TRIM44: variants seen among roughly 807,000 people sequenced by gnomAD.
TRIM44 encodes tripartite motif-containing protein 44.
A neutral mutation model predicts 37.4 loss-of-function variants in TRIM44; 13 were observed. The ratio of observed to expected loss-of-function variants is 0.35; its 90% CI spans 0.23 to 0.55. The LOEUF is 0.55. Ranked by LOEUF, TRIM44 falls within the 20% of genes least tolerant of loss-of-function variation. TRIM44 has a pLI of 0.89. For synonymous variants in TRIM44, 175 were observed against 157.2 expected, an observed-to-expected ratio of 1.11 and a Z score of -0.85; for missense variants, 426 against 437.2, an observed-to-expected ratio of 0.97 and a Z score of 0.23.
intron 2 of TRIM44, among the ~76,000 whole-genome samples, chr11:35,723,365 T>C (rs1852132430): frequency 6.6e-6 from 1 of 152,252 alleles, no homozygotes; most frequent in Non-Finnish European, 1.5e-5. Flanking sequence ...TACAATGCTA[T>C]GTTTAATCAT....
At chr11:35,675,675 C>T (rs1018047101) in intron 1 of TRIM44, among the ~76,000 whole-genome samples, 1 of 152,114 alleles carries the variant, frequency 6.6e-6, no homozygotes. Flanking sequence ...GCGCCTGCCA[C>T]CCTGCCAAGC....
intron 2 of TRIM44, among the ~76,000 whole-genome samples, chr11:35,686,985 T>G (rs1851589369): frequency 6.6e-6 from 1 of 152,190 alleles, no homozygotes; most frequent in South Asian, 2.1e-4. Context: ...TTTAATTATT[T>G]AACAACACTG....
At chr11:35,713,178 C>T (rs150565004) in intron 2 of TRIM44, among the ~76,000 whole-genome samples, 13 of 152,286 alleles carry the variant, frequency 8.5e-5, no homozygotes, top group African/African-American at 3.1e-4. Context: ...TTTCATTCAA[C>T]CCAGTGATTC....
chr11:35,749,042 TAG>T (rs144381088), intron 4 of TRIM44, among the ~76,000 whole-genome samples: 26 of 149,702 alleles, frequency 1.7e-4, no homozygotes, highest in Non-Finnish European at 2.2e-4. Context: ...ATGTGTATGT[TAG>T]AGAGAGAGAG....
At chr11:35,677,956 G>A (rs1003805780) in intron 1 of TRIM44, among the ~76,000 whole-genome samples, 36 of 152,310 alleles carry the variant, frequency 2.4e-4, no homozygotes, top group African/African-American at 8.7e-4. Context: ...GGTGTAGTTA[G>A]AGCCAGTGAT....
chr11:35,776,487 T>C (rs2036402437), intron 4 of TRIM44, among the ~76,000 whole-genome samples: 1 of 152,236 alleles, frequency 6.6e-6, no homozygotes, highest in African/African-American at 2.4e-5. Context: ...TAGTTATTTC[T>C]TGCCTTCTGC....
intron 2 of TRIM44, among the ~76,000 whole-genome samples, chr11:35,697,188 A>G (rs1053161047): frequency 1.4e-5 from 2 of 145,792 alleles, no homozygotes; most frequent in Non-Finnish European, 3.0e-5. Flanking sequence ...AGCATTAGGT[A>G]TATCTCCTAA....
In TRIM44 at chr11:35,726,052, G is replaced by T. The variant is rs1180144760; in HGVS notation, c.876G>T (p.Val292=). 2 of 1,613,996 alleles carry T rather than the reference G, an allele frequency of 1.2e-6. No homozygotes were observed. The highest frequency in any genetic ancestry group is 2.7e-5 in the African/African-American group (2 of 74,924). Residue 292 remains valine (V), a synonymous_variant, in exon 3 of 5, where the codon GTG becomes GTT. Coordinates refer to ENST00000299413, the MANE Select transcript of TRIM44 (RefSeq NM_017583.6). The part of the protein sequence containing the change: ...DIQEAMATAH[V]TEILADIQSH... ...AAGAGGCAATGGCCACAGCTCATGT[G>T]ACTGAGATACTGGCAGACATCCAAT...
chr11:35,696,961 A>T (rs115893291), intron 2 of TRIM44, among the ~76,000 whole-genome samples: 1,946 of 152,308 alleles, frequency 0.013, 46 homozygotes, highest in African/African-American at 0.044. Flanking sequence ...GCCAAATTTC[A>T]CTGTTGTACT....
rs995123526 is a variant in TRIM44 at position 35,810,558 on chromosome 11, C to G, written c.*4173C>G. ...GCAGTTCTTGATTCTGGAGGCCTGC[C>G]TGGTAAGATAAGATAGTATAATTTG... is the stretch of plus-strand genomic sequence containing the variant. On this transcript the variant is annotated 3_prime_UTR_variant, in exon 5 of 5. Coordinates refer to ENST00000299413, the MANE Select transcript of TRIM44 (RefSeq NM_017583.6). 2 of 152,050 alleles carry G rather than the reference C, an allele frequency of 1.3e-5. No homozygotes were observed. Among genetic ancestry groups the G allele is most frequent in the African/African-American group, 2.4e-5 (1 of 41,390 alleles). 9.4% of individuals were successfully genotyped at this position (152,050 alleles called of 1,614,324 possible). A position where few individuals can be genotyped will look rare whatever the true frequency, so the allele number is the denominator to read the frequency against.
At chr11:35,746,969 TG>T (rs1176460995) in intron 4 of TRIM44, among the ~76,000 whole-genome samples, 1 of 152,240 alleles carries the variant, frequency 6.6e-6, no homozygotes, top group Non-Finnish European at 1.5e-5. Flanking sequence ...TCTTACCCTC[TG>T]GTTTCATCAT....
chr11:35,776,139 A>G (rs538108321), intron 4 of TRIM44, among the ~76,000 whole-genome samples: 3 of 152,278 alleles, frequency 2.0e-5, no homozygotes, highest in Non-Finnish European at 4.4e-5. Context: ...TATTGCCTCA[A>G]TTTCAGAGCC....
intron 4 of TRIM44, among the ~76,000 whole-genome samples, chr11:35,758,017 G>A (rs542949837): frequency 1.7e-4 from 26 of 152,192 alleles, no homozygotes; most frequent in Non-Finnish European, 2.5e-4. Context: ...TATTAGGTCC[G>A]CTTGGTGCAG....
chr11:35,665,586 G>GTTTTTTTTTTTTTT (rs35522287), intron 1 of TRIM44, among the ~76,000 whole-genome samples: 4 of 71,512 alleles, frequency 5.6e-5, no homozygotes, highest in African/African-American at 1.1e-4. Context: ...TTATATATCT[G>GTTTTTTTTTTTTTT]TTTTTTTTTT....
At chr11:35,757,772 G>A (rs1241165344) in intron 4 of TRIM44, among the ~76,000 whole-genome samples, 2 of 152,170 alleles carry the variant, frequency 1.3e-5, no homozygotes, top group Non-Finnish European at 2.9e-5. Context: ...TAGTCATTCA[G>A]GAGCAGGTTG....
rs1853486968 is a variant in TRIM44 at position 35,808,667 on chromosome 11, TAGAA to T, written c.*2285_*2288del. On this transcript the variant is annotated 3_prime_UTR_variant, in exon 5 of 5. Transcript: ENST00000299413. ...CAAGGAAAGCACTTTTGCTTTTACT[TAGAA>T]AGCGTTTCAGATTTGCTTTATAGAC... The T allele has an allele frequency of 6.6e-6, 1 of 152,238 alleles. No individual in the cohort carries two copies. The highest frequency in any genetic ancestry group is 2.4e-5 in the African/African-American group (1 of 41,468). 9.4% of individuals were successfully genotyped at this position (152,238 alleles called of 1,614,324 possible).
rs151111237 is a variant in TRIM44 at position 35,811,388 on chromosome 11, G to A, written c.*5003G>A. ...AATAACATTAAAGTTTTAGAATTTG[G>A]ATGAACTAGAAGGAAGGTAAAATTG... On this transcript the variant is annotated 3_prime_UTR_variant, in exon 5 of 5. Coordinates refer to ENST00000299413, the MANE Select transcript of TRIM44 (RefSeq NM_017583.6). The A allele has an allele frequency of 2.6e-5, 4 of 152,224 alleles. No homozygotes were observed. The East Asian group carries it at 7.7e-4, about 29-fold the overall frequency. The allele number at this position is 152,224 out of a possible 1,614,324, so 9.4% of individuals were successfully genotyped here. A position where few individuals can be genotyped will look rare whatever the true frequency, so the allele number is the denominator to read the frequency against.
At chr11:35,686,646 T>C (rs1851585675) in intron 2 of TRIM44, among the ~76,000 whole-genome samples, 1 of 152,094 alleles carries the variant, frequency 6.6e-6, no homozygotes, top group South Asian at 2.1e-4. Flanking sequence ...AACCTCTCCC[T>C]CCCAGGTTCA....
chr11:35,792,111 A>ACACACACACACACACACT lies in TRIM44; in HGVS notation c.1008-14246_1008-14245insACACACACACACACACTC, dbSNP rs796092540. The stretch of plus-strand genomic sequence containing the variant: ...CACACACACACACACACACACACAC[A>ACACACACACACACACACT]CTCTCTCTCATCATTCTCTATTCCA... On this transcript the variant is annotated intron_variant, in intron 4 of 4. Transcript: ENST00000299413. Among the ~76,000 whole-genome samples the ACACACACACACACACACT allele has an allele frequency of 2.8e-3, 315 of 114,302 alleles. 2 individuals are homozygous for ACACACACACACACACACT. Among genetic ancestry groups the ACACACACACACACACACT allele is most frequent in the East Asian group, 4.5e-3 (19 of 4,236 alleles). The allele number at this position is 114,302 out of a possible 152,430, so 75.0% of individuals were successfully genotyped here.
Sources: gnomAD v4.1 joint callset for allele counts (sites outside exome capture counted in the v4.1 genomes callset) on GRCh38, gnomAD v4.1.1 for gene constraint, MANE v1.5 for transcripts, NCBI Gene and HGNC (gene_info 2026-07-23, HGNC 2026-07-21) for gene names.